SNTG1: variants seen among roughly 807,000 people sequenced by gnomAD.
The protein encoded by SNTG1 is gamma-1-syntrophin.
In SNTG1, 39 loss-of-function variants were observed where a neutral mutation model predicts 74.7. The ratio of observed to expected loss-of-function variants is 0.52; its 90% confidence interval spans 0.40 to 0.68. SNTG1 has a LOEUF of 0.68. Ranked by LOEUF, SNTG1 falls within the 30% of genes least tolerant of loss-of-function variation. The pLI, the probability that SNTG1 is intolerant of heterozygous loss-of-function variation, is 0.00. For synonymous variants in SNTG1, 254 were observed against 217.1 expected (o/e 1.17, Z -1.49); for missense variants, 685 against 609.5 (o/e 1.12, Z -1.30).
chr8:50,482,746 G>A (rs1044788833), intron 8 of SNTG1, among the ~76,000 whole-genome samples: 10 of 152,146 alleles, frequency 6.6e-5, no homozygotes, highest in African/African-American at 7.2e-5. Flanking sequence ...TGAAACATGA[G>A]GGGGCTAATA....
intron 12 of SNTG1, among the ~76,000 whole-genome samples, chr8:50,553,951 T>C (rs1022024800): frequency 6.6e-6 from 1 of 152,170 alleles, no homozygotes; most frequent in Admixed American, 6.6e-5. Context: ...AATTGTTCCA[T>C]GCGATGTTGA....
At chr8:50,353,776 A>G (rs376836165) in intron 2 of SNTG1, among the ~76,000 whole-genome samples, 2 of 152,356 alleles carry the variant, frequency 1.3e-5, no homozygotes, top group South Asian at 2.1e-4. Flanking sequence ...TCATTATGGT[A>G]GCAGGAATGG....
In SNTG1 at chr8:50,505,929, C is replaced by G. The variant is rs564181316; in HGVS notation, c.466+3049C>G. On this transcript the variant is annotated intron_variant, in intron 9 of 18. Coordinates refer to ENST00000642720, the MANE Select transcript of SNTG1 (RefSeq NM_018967.5). ...CATATTCAGAAAATAATTGCCAAATCCAATGTCATAAAGATTTTTCTCTAA... is the reference window on the plus strand; with the variant it reads ...CATATTCAGAAAATAATTGCCAAATGCAATGTCATAAAGATTTTTCTCTAA... Among the ~76,000 whole-genome samples, 9 of 152,062 alleles carry G rather than the reference C, an allele frequency of 5.9e-5. No homozygotes were observed. The East Asian group carries it at 1.7e-3, about 29-fold the overall frequency.
chr8:50,559,233 G>A (rs1332636697), intron 12 of SNTG1, among the ~76,000 whole-genome samples: 1 of 152,140 alleles, frequency 6.6e-6, no homozygotes, highest in Non-Finnish European at 1.5e-5. Flanking sequence ...TTCTTGTAGT[G>A]TTTAGATAAA....
intron 1 of SNTG1, among the ~76,000 whole-genome samples, chr8:50,079,882 CT>C (rs1822247304): frequency 6.6e-6 from 1 of 152,040 alleles, no homozygotes; most frequent in African/African-American, 2.4e-5. Context: ...ATTTCTGAGG[CT>C]TCTGTTCTAT....
chr8:49,934,273 C>T lies in SNTG1; in HGVS notation c.-103+22042C>T, dbSNP rs568352402. On this transcript the variant is annotated intron_variant, in intron 1 of 18. Transcript: ENST00000642720. ...TGATCACCTCTCCTGGTCATATATA[C>T]TATATAGATCTATCTATCTATCTAT... Among the ~76,000 whole-genome samples the T allele has an allele frequency of 3.0e-3, 420 of 140,548 alleles. 1 individual carries two copies. Among genetic ancestry groups the T allele is most frequent in the African/African-American group, 0.011 (408 of 37,776 alleles). The allele number at this position is 140,548 out of a possible 152,430, so 92.2% of individuals were successfully genotyped here. A position where few individuals can be genotyped will look rare whatever the true frequency, so the allele number is the denominator to read the frequency against.
At chr8:50,255,805 T>G (rs2086853339) in intron 2 of SNTG1, among the ~76,000 whole-genome samples, 2 of 152,192 alleles carry the variant, frequency 1.3e-5, no homozygotes, top group African/African-American at 2.4e-5. Flanking sequence ...TGTCACATTC[T>G]GAAGCACTGA....
chr8:50,364,553 G>A (rs183693829), intron 2 of SNTG1, among the ~76,000 whole-genome samples: 231 of 151,992 alleles, frequency 1.5e-3, no homozygotes, highest in Non-Finnish European at 2.6e-3. Context: ...ATTCTATATC[G>A]TATATCTTAA....
chr8:50,785,227 T>C (rs954944571), intron 18 of SNTG1, among the ~76,000 whole-genome samples: 2 of 151,708 alleles, frequency 1.3e-5, no homozygotes, highest in Admixed American at 6.6e-5. Flanking sequence ...ACATAAACAA[T>C]TGAGAAAATT....
At chr8:50,749,934 C>T (rs746884252) in intron 17 of SNTG1, among the ~76,000 whole-genome samples, 9 of 152,070 alleles carry the variant, frequency 5.9e-5, no homozygotes, top group East Asian at 2.0e-4. Context: ...GGAGTATTTT[C>T]GACTTTCAAG....
intron 2 of SNTG1, among the ~76,000 whole-genome samples, chr8:50,300,549 A>G (rs933693099): frequency 6.6e-5 from 10 of 152,144 alleles, no homozygotes; most frequent in African/African-American, 2.4e-5. Flanking sequence ...ATAAATTTCA[A>G]TAGTTTGAAA....
Position 50,383,085 on chromosome 8 carries a change from G to A in SNTG1, c.-27-11127G>A, listed in dbSNP as rs199856694. On this transcript the variant is annotated intron_variant, in intron 2 of 18. Transcript: ENST00000642720. ...TCCACAGCAACACTTAGATTAATGC[G>A]CAATTAAATAATTGGGCACCATAAC... Among the ~76,000 whole-genome samples, 13 of 152,092 alleles carry A rather than the reference G, an allele frequency of 8.5e-5. No individual in the cohort carries two copies. The East Asian group carries it at 1.5e-3, about 18-fold the overall frequency.
At chr8:50,238,755 C>A (rs893794629) in intron 2 of SNTG1, among the ~76,000 whole-genome samples, 7 of 152,074 alleles carry the variant, frequency 4.6e-5, no homozygotes, top group African/African-American at 1.4e-4. Context: ...TGACAAAAGT[C>A]TGATATCCAA....
At chr8:50,103,726 A>G (rs1181059715) in intron 1 of SNTG1, among the ~76,000 whole-genome samples, 1 of 152,084 alleles carries the variant, frequency 6.6e-6, no homozygotes, top group Non-Finnish European at 1.5e-5. Flanking sequence ...TTATTTTGAG[A>G]TACGTCCCAT....
chr8:50,671,978 G>A (rs1436920615), intron 15 of SNTG1, among the ~76,000 whole-genome samples: 1 of 140,996 alleles, frequency 7.1e-6, no homozygotes, highest in Non-Finnish European at 1.5e-5. Context: ...CTCACTCACA[G>A]ATGGGAATTG....
intron 13 of SNTG1, among the ~76,000 whole-genome samples, chr8:50,602,289 G>GT (rs1292474482): frequency 2.0e-5 from 3 of 151,834 alleles, no homozygotes; most frequent in Non-Finnish European, 4.4e-5. Flanking sequence ...CCATTGTATG[G>GT]TTTTCAATTT....
At chr8:49,944,351 T>C (rs971022601) in intron 1 of SNTG1, among the ~76,000 whole-genome samples, 2 of 152,116 alleles carry the variant, frequency 1.3e-5, no homozygotes, top group African/African-American at 2.4e-5. Context: ...TACAGATCAG[T>C]AGATGCTGTG....
At chr8:50,560,483 A>T (rs991927366) in intron 12 of SNTG1, among the ~76,000 whole-genome samples, 2 of 152,164 alleles carry the variant, frequency 1.3e-5, no homozygotes, top group Admixed American at 1.3e-4. Context: ...GTCCATAAAT[A>T]GTAGATTGAA....
intron 1 of SNTG1, among the ~76,000 whole-genome samples, chr8:50,063,442 A>G (rs1031653750): frequency 6.6e-6 from 1 of 152,200 alleles, no homozygotes; most frequent in Non-Finnish European, 1.5e-5. Context: ...GAGATGACTC[A>G]AGTGTTAAAT....
Sources: gnomAD v4.1 joint callset for allele counts (sites outside exome capture counted in the v4.1 genomes callset) on GRCh38, gnomAD v4.1.1 for gene constraint, MANE v1.5 for transcripts, NCBI Gene and HGNC (gene_info 2026-07-23, HGNC 2026-07-21) for gene names.